The following HEATR3 variants were observed in gnomAD, a reference collection of about 807,000 sequenced individuals.
HEATR3 encodes HEAT repeat containing 3, also known as HEAT repeat-containing protein 3.
A neutral mutation model predicts 72.8 loss-of-function variants in HEATR3; 56 were observed. That is an observed-to-expected ratio of 0.77 (90% confidence interval 0.62 to 0.96). The LOEUF is 0.96. Among genes scored for constraint, HEATR3 ranks in the 40% least tolerant of loss-of-function variants. The pLI, the probability that HEATR3 is intolerant of heterozygous loss-of-function variation, is 0.00. For synonymous variants in HEATR3, 331 were observed against 318.1 expected (o/e 1.04, Z -0.43); for missense variants, 747 against 831.4 (o/e 0.90, Z 1.25).
chr16:50,076,206 T>C (rs1597144736), intron 6 of HEATR3, among the ~76,000 whole-genome samples: 1 of 152,152 alleles, frequency 6.6e-6, no homozygotes, highest in East Asian at 1.9e-4. Flanking sequence ...TTTTTATTTT[T>C]TATTGTTTTG....
intron 7 of HEATR3, among the ~76,000 whole-genome samples, chr16:50,080,816 C>T (rs1427461404): frequency 6.6e-6 from 1 of 152,074 alleles, no homozygotes; most frequent in Non-Finnish European, 1.5e-5. Context: ...TAAATCAGGG[C>T]TTATGGGGTC....
chr16:50,092,516 A>G (rs2037140926), intron 11 of HEATR3, among the ~76,000 whole-genome samples: 1 of 139,208 alleles, frequency 7.2e-6, no homozygotes, highest in Non-Finnish European at 1.5e-5. Context: ...GGCTCACTGC[A>G]AGCTCCGCCT....
chr16:50,094,726 T>C lies in HEATR3; in HGVS notation c.1532T>C (p.Phe511Ser), dbSNP rs772582377. The C allele has an allele frequency of 6.3e-7, 1 of 1,578,916 alleles. No homozygotes were observed. The highest frequency in any genetic ancestry group is 1.2e-5 in the South Asian group (1 of 84,270). ...TTAGATTTTGCTAAACATGTTGACT[T>C]TCTAGAAGCCATAAGTAGTGCTTTG... is the stretch of plus-strand genomic sequence containing the variant. ...SQPDFAKHVD[F>S]LEAISSALRA... is the part of the protein sequence containing the mutation. Residue 511 changes from phenylalanine (F) to serine (S), a missense_variant, in exon 12 of 15, where the codon TTT becomes TCT. This residue lies in a region of HEATR3 where 586 missense variants were observed against 708.8 expected (regional missense o/e 0.83). Coordinates refer to ENST00000299192, the MANE Select transcript of HEATR3 (RefSeq NM_182922.4).
At chr16:50,084,768 A>G in intron 10 of HEATR3, 117 bp downstream of exon 10, 1 of 676,812 alleles carries the variant, frequency 1.5e-6, no homozygotes, top group Non-Finnish European at 2.5e-6. Context: ...TCCTGGGTAT[A>G]TATACCAGAA....
chr16:50,069,768 C>T (rs2036570756), intron 3 of HEATR3, among the ~76,000 whole-genome samples: 1 of 152,190 alleles, frequency 6.6e-6, no homozygotes, highest in Admixed American at 6.5e-5. Context: ...CCCAGCTTCA[C>T]CACATGCTAA....
intron 13 of HEATR3, 196 bp downstream of exon 13, chr16:50,100,569 G>T (rs576865622): frequency 5.7e-5 from 30 of 524,964 alleles, no homozygotes; most frequent in African/African-American, 5.6e-4. Context: ...TATTTGAAAA[G>T]TTGAGCCACA....
chr16:50,088,039 A>C (rs1316257722), intron 11 of HEATR3, among the ~76,000 whole-genome samples: 1 of 152,182 alleles, frequency 6.6e-6, no homozygotes, highest in African/African-American at 2.4e-5. Context: ...AGGCAGGAGA[A>C]TCGCTTGAAC....
chr16:50,102,509 T>C, intron 14 of HEATR3, 74 bp downstream of exon 14: 1 of 1,347,072 alleles, frequency 7.4e-7, no homozygotes, highest in South Asian at 1.3e-5. Context: ...TAGTTACCGC[T>C]GTGCAACTCA....
rs2150600475 is a variant in HEATR3 at position 50,075,591 on chromosome 16, ACTGAG to A, written c.644_648del (p.Thr215ArgfsTer2). 1 of 1,613,338 alleles carries A rather than the reference ACTGAG, an allele frequency of 6.2e-7. No individual in the cohort carries two copies. Among genetic ancestry groups the A allele is most frequent in the South Asian group, 1.1e-5 (1 of 91,062 alleles). ...CGTAGCATATTGTTTGCAGACAGTG[ACTGAG>A]GATAACCCAGAGCTGCTGAAGTCTT... On this transcript the variant is annotated frameshift_variant, in exon 6 of 15. Coordinates refer to ENST00000299192, the MANE Select transcript of HEATR3 (RefSeq NM_182922.4). LOFTEE classifies it high-confidence loss of function.
intron 10 of HEATR3, 78 bp from the exon 11 acceptor site, chr16:50,086,137 C>T (rs2036980970): frequency 7.4e-7 from 1 of 1,345,564 alleles, no homozygotes; most frequent in South Asian, 1.5e-5. Flanking sequence ...GAACGTGAAG[C>T]TTAGGCTAAA....
chr16:50,069,679 C>A (rs1169598805), intron 3 of HEATR3, among the ~76,000 whole-genome samples: 1 of 152,068 alleles, frequency 6.6e-6, no homozygotes, highest in Non-Finnish European at 1.5e-5. Context: ...ATTGAGAAGC[C>A]CTGCTTTAGA....
At chr16:50,071,817 A>G (rs1287814237) in intron 4 of HEATR3, among the ~76,000 whole-genome samples, 3 of 152,230 alleles carry the variant, frequency 2.0e-5, no homozygotes, top group Non-Finnish European at 2.9e-5. Flanking sequence ...AAACATGTAC[A>G]ACATGGATAT....
intron 3 of HEATR3, 45 bp from the exon 4 acceptor site, chr16:50,070,133 A>G: frequency 1.0e-6 from 1 of 966,128 alleles, no homozygotes; most frequent in Non-Finnish European, 1.6e-6. Context: ...TATTTGTTTA[A>G]TTCTTCTTAG....
In HEATR3 at chr16:50,104,924, G is replaced by A. The variant is rs1303276286; in HGVS notation, c.1921-15G>A. 3 of 1,566,694 alleles carry A rather than the reference G, an allele frequency of 1.9e-6. No homozygotes were observed. Among genetic ancestry groups the A allele is most frequent in the African/African-American group, 1.4e-5 (1 of 72,080 alleles). On this transcript the variant is annotated splice_polypyrimidine_tract_variant and intron_variant, in intron 14 of 14. Coordinates refer to ENST00000299192, the MANE Select transcript of HEATR3 (RefSeq NM_182922.4). ...TCTACCAAGTCATATATGATTTTTT[G>A]TTTTTTGTTTGCAGATACGTAAAGA... is the stretch of plus-strand genomic sequence containing the variant.
chr16:50,083,559 G>A (rs1026756148), intron 7 of HEATR3, among the ~76,000 whole-genome samples: 1 of 152,078 alleles, frequency 6.6e-6, no homozygotes, highest in Non-Finnish European at 1.5e-5. Context: ...CTAAGTGCCT[G>A]GTGTCTGAAA....
chr16:50,101,564 G>A (rs2037366138), intron 13 of HEATR3, among the ~76,000 whole-genome samples: 1 of 152,212 alleles, frequency 6.6e-6, no homozygotes, highest in South Asian at 2.1e-4. Context: ...TCTTAATCTT[G>A]AACAGTTCCT....
chr16:50,066,204 G>A lies in HEATR3; in HGVS notation c.73G>A (p.Ala25Thr). 6.3e-7 allele frequency: 1 copy of A among 1,581,152 alleles called. No homozygotes were observed. Among genetic ancestry groups the A allele is most frequent in the African/African-American group, 1.4e-5 (1 of 73,938 alleles). The change falls in exon 1 of 15, where the codon GCT becomes ACT. Residue 25 changes from alanine to threonine, a missense_variant. Ala to Thr is a moderately conservative substitution (Grantham distance 58). Coordinates refer to ENST00000299192, the MANE Select transcript of HEATR3 (RefSeq NM_182922.4). ...SPTGDCQAEA[A>T]AAANGTGGEE... ...TACGGGCGACTGTCAGGCCGAGGCGGCTGCGGCGGCGAATGGGACCGGAGG... is the reference window on the plus strand; with the variant it reads ...TACGGGCGACTGTCAGGCCGAGGCGACTGCGGCGGCGAATGGGACCGGAGG...
chr16:50,066,224 C>G lies in HEATR3; in HGVS notation c.93C>G (p.Thr31=). Residue 31 remains threonine (T), a synonymous_variant, in exon 1 of 15, where the codon ACC becomes ACG. Coordinates refer to ENST00000299192, the MANE Select transcript of HEATR3 (RefSeq NM_182922.4). ...QAEAAAAANG[T]GGEEDDGPAA... Reference sequence around the variant, plus strand: ...AGGCGGCTGCGGCGGCGAATGGGACCGGAGGCGAGGAGGACGACGGGCCGG... The same window carrying G: ...AGGCGGCTGCGGCGGCGAATGGGACGGGAGGCGAGGAGGACGACGGGCCGG... The G allele has an allele frequency of 6.4e-7, 1 of 1,574,594 alleles. No individual in the cohort carries two copies. The highest frequency in any genetic ancestry group is 8.6e-7 in the Non-Finnish European group (1 of 1,161,962).
chr16:50,073,505 G>C (rs1402935256), intron 5 of HEATR3: 1 of 152,170 alleles, frequency 6.6e-6, no homozygotes, highest in Non-Finnish European at 1.5e-5. Flanking sequence ...TAAGAGAACA[G>C]AATTGAGGGA....
Sources: allele counts gnomAD v4.1 joint callset (sites outside exome capture counted in the v4.1 genomes callset), GRCh38; gene constraint gnomAD v4.1.1; regional missense constraint gnomAD v4.1.1; transcripts MANE v1.5; gene names NCBI Gene and HGNC (gene_info 2026-07-23, HGNC 2026-07-21).